SECISBP2L: variants seen among roughly 807,000 people sequenced by gnomAD.
SECISBP2L encodes SECIS binding protein 2 like.
In SECISBP2L, 43 loss-of-function variants were observed where a neutral mutation model predicts 114.7. The observed-to-expected ratio is 0.38, with a 90% CI of 0.29 to 0.48. The LOEUF is 0.48. Ranked by LOEUF, SECISBP2L falls within the 20% of genes least tolerant of loss-of-function variation. The pLI, the probability that SECISBP2L is intolerant of heterozygous loss-of-function variation, is 0.98. For missense variants in SECISBP2L, 1,136 were observed against 1,301.1 expected (o/e 0.87, Z 1.95); for synonymous variants, 451 against 439.7 (o/e 1.03, Z -0.32).
At chr15:48,996,693 A>T in intron 16 of SECISBP2L, 107 bp from the exon 17 acceptor site, 1 of 919,606 alleles carries the variant, frequency 1.1e-6, no homozygotes, top group Non-Finnish European at 1.7e-6. Context: ...GACACTTTCA[A>T]TGAGGACAAA....
intron 2 of SECISBP2L, among the ~76,000 whole-genome samples, chr15:49,036,834 G>A (rs1903018364): frequency 6.6e-6 from 1 of 152,300 alleles, no homozygotes; most frequent in East Asian, 1.9e-4. Flanking sequence ...ATAGATGGGT[G>A]GAAATATTGA....
intron 2 of SECISBP2L, among the ~76,000 whole-genome samples, chr15:49,036,793 G>C (rs1016354463): frequency 3.9e-5 from 6 of 152,174 alleles, no homozygotes; most frequent in African/African-American, 1.4e-4. Context: ...CAAAGAATGT[G>C]CACTGGCACA....
chr15:49,016,923 C>T lies in SECISBP2L; in HGVS notation c.1344G>A (p.Lys448=). Residue 448 remains lysine (K), a synonymous_variant, in exon 10 of 18, where the codon AAG becomes AAA. Transcript: ENST00000559471. ...CAAGGGCTGCTGCTAAAGCTTTCTT[C>T]TTCTGACTTTTTGCACGTTTGGGAA... ...TSVPKRAKSQ[K]KKALAAALAT... is the part of the protein sequence containing the mutation. 2 of 1,613,974 alleles carry T rather than the reference C, an allele frequency of 1.2e-6. No individual in the cohort carries two copies. The highest frequency in any genetic ancestry group is 1.7e-6 in the Non-Finnish European group (2 of 1,179,942).
chr15:49,030,829 T>C (rs1041182035), intron 4 of SECISBP2L, among the ~76,000 whole-genome samples: 1 of 152,190 alleles, frequency 6.6e-6, no homozygotes, highest in Non-Finnish European at 1.5e-5. Context: ...AACTTTTGTA[T>C]TCTGCATTGA....
rs754335711 is a variant in SECISBP2L at position 49,019,743 on chromosome 15, CAATT to C, written c.1036-195_1036-192del. On this transcript the variant is annotated intron_variant, in intron 7 of 17. Coordinates refer to ENST00000559471, the MANE Select transcript of SECISBP2L (RefSeq NM_001193489.2). The stretch of plus-strand genomic sequence containing the variant: ...TTATAAGAAAAATAGAAAAATGAGA[CAATT>C]AATCCACATTGCTTTTTTCCCCTCG... 3.5e-4 allele frequency: 145 copies of C among 416,816 alleles called. 1 individual carries two copies. The highest frequency in any genetic ancestry group is 6.5e-4 in the South Asian group (7 of 10,716). 25.8% of individuals were successfully genotyped at this position (416,816 alleles called of 1,614,324 possible). A position where few individuals can be genotyped will look rare whatever the true frequency, so the allele number is the denominator to read the frequency against.
At chr15:49,009,109 TG>T in intron 14 of SECISBP2L, 106 bp downstream of exon 14, 2 of 1,202,082 alleles carry the variant, frequency 1.7e-6, no homozygotes, top group Non-Finnish European at 2.3e-6. Context: ...TAAAGATCTC[TG>T]GTCTTTTGTC....
At chr15:49,037,069 A>G (rs945235395) in intron 2 of SECISBP2L, among the ~76,000 whole-genome samples, 14 of 152,150 alleles carry the variant, frequency 9.2e-5, no homozygotes, top group African/African-American at 3.4e-4. Flanking sequence ...CACCCTAACC[A>G]CTAGGTTACA....
intron 1 of SECISBP2L, among the ~76,000 whole-genome samples, chr15:49,040,640 A>G (rs995550668): frequency 5.2e-5 from 7 of 134,656 alleles, no homozygotes; most frequent in African/African-American, 1.9e-4. Context: ...GGTTCACGCC[A>G]TTCTCCTGCC....
Position 48,990,727 on chromosome 15 carries a change from G to C in SECISBP2L, c.*1517C>G, listed in dbSNP as rs1901956085. On this transcript the variant is annotated 3_prime_UTR_variant, in exon 18 of 18. Coordinates refer to ENST00000559471, the MANE Select transcript of SECISBP2L (RefSeq NM_001193489.2). ...CAATTCTTCTCTCCTGCCTCTGTGA[G>C]GCAAAGCCCTGCCCCAGATAATCAG... 1.3e-5 allele frequency: 2 copies of C among 152,488 alleles called. No individual in the cohort carries two copies. Among genetic ancestry groups the C allele is most frequent in the African/African-American group, 4.8e-5 (2 of 41,370 alleles). 9.4% of individuals were successfully genotyped at this position (152,488 alleles called of 1,614,324 possible).
chr15:49,015,413 T>C (rs979646309), intron 11 of SECISBP2L, among the ~76,000 whole-genome samples: 1 of 152,170 alleles, frequency 6.6e-6, no homozygotes, highest in Non-Finnish European at 1.5e-5. Flanking sequence ...TGATAGTGGA[T>C]TGGTAACTAG....
At chr15:49,014,902 T>C (rs911939374) in intron 11 of SECISBP2L, among the ~76,000 whole-genome samples, 1 of 150,436 alleles carries the variant, frequency 6.6e-6, no homozygotes, top group Admixed American at 6.7e-5. Flanking sequence ...ATATATACTG[T>C]ATATATGTAC....
At position 49,000,940 on chromosome 15, in the gene SECISBP2L, T is replaced by C. The variant is rs913830005; in HGVS notation, c.2185A>G (p.Met729Val). ...ACACACTTGATCTTGTTTAACTTCA[T>C]ATGTTTGGTAACTTCTCTTAGACCC... ...VMGLREVTKH[M>V]KLNKIKCVII... The change falls in exon 15 of 18, where the codon ATG becomes GTG. Residue 729 changes from methionine (M) to valine (V), a missense_variant. Transcript: ENST00000559471. The C allele has an allele frequency of 1.2e-6, 2 of 1,613,854 alleles. No individual in the cohort carries two copies. Among genetic ancestry groups the C allele is most frequent in the African/African-American group, 1.3e-5 (1 of 75,046 alleles).
intron 3 of SECISBP2L, among the ~76,000 whole-genome samples, chr15:49,033,461 C>T (rs1902939304): frequency 6.6e-6 from 1 of 152,040 alleles, no homozygotes; most frequent in African/African-American, 2.4e-5. Context: ...GGGTAGTAAC[C>T]TATCCCAAAG....
Position 49,041,280 on chromosome 15 carries a change from T to C in SECISBP2L, c.25-3511A>G, listed in dbSNP as rs184933932. On this transcript the variant is annotated intron_variant, in intron 1 of 17. Coordinates refer to ENST00000559471, the MANE Select transcript of SECISBP2L (RefSeq NM_001193489.2). The stretch of plus-strand genomic sequence containing the variant: ...GAAAAAAATCATAGTCCCAGAATCA[T>C]CTTTGTAAAAATATTTAAGCAGTTT... Among the ~76,000 whole-genome samples the C allele has an allele frequency of 8.5e-5, 13 of 152,364 alleles. 1 individual carries two copies. Among genetic ancestry groups the C allele is most frequent in the Admixed American group, 6.5e-4 (10 of 15,304 alleles).
chr15:49,001,520 T>C (rs1361491805), intron 14 of SECISBP2L, among the ~76,000 whole-genome samples: 1 of 151,704 alleles, frequency 6.6e-6, no homozygotes, highest in Non-Finnish European at 1.5e-5. Context: ...AACATGCAGG[T>C]TTGTTACATA....
intron 7 of SECISBP2L, among the ~76,000 whole-genome samples, chr15:49,025,287 G>C (rs1902718160): frequency 1.3e-5 from 2 of 152,118 alleles, no homozygotes; most frequent in Admixed American, 6.6e-5. Context: ...TACAGGTTGA[G>C]TTATTCCTTA....
At chr15:49,010,629 G>A (rs895693524) in intron 13 of SECISBP2L, among the ~76,000 whole-genome samples, 3 of 152,062 alleles carry the variant, frequency 2.0e-5, no homozygotes, top group African/African-American at 7.2e-5. Context: ...TCCCACTTCA[G>A]TCCCCCAAGT....
Position 48,999,816 on chromosome 15 carries a change from G to A in SECISBP2L, c.2403+17C>T. ...GATGTGCTGGAGAGCAAGAGTGTGT[G>A]TCTTCTAAATTCTTACCTCAGCACC... On this transcript the variant is annotated intron_variant, in intron 16 of 17. Coordinates refer to ENST00000559471, the MANE Select transcript of SECISBP2L (RefSeq NM_001193489.2). The A allele has an allele frequency of 6.2e-7, 1 of 1,611,336 alleles. No homozygotes were observed. The highest frequency in any genetic ancestry group is 8.5e-7 in the Non-Finnish European group (1 of 1,177,826).
chr15:49,012,725 C>G lies in SECISBP2L; in HGVS notation c.1654G>C (p.Asp552His). ...QPCLTSFNSV[D>H]IASSKAKKGK... ...TTTTTTGCTTTAGAAGAAGCAATGT[C>G]CACAGAATTAAAGGATGTCAAACAG... Residue 552 changes from aspartate to histidine, a missense_variant, in exon 12 of 18, where the codon GAC becomes CAC. By Grantham distance (81) the Asp-to-His change is moderately conservative. Coordinates refer to ENST00000559471, the MANE Select transcript of SECISBP2L (RefSeq NM_001193489.2). The G allele has an allele frequency of 6.2e-7, 1 of 1,613,202 alleles. No individual in the cohort carries two copies. Among genetic ancestry groups the G allele is most frequent in the Non-Finnish European group, 8.5e-7 (1 of 1,179,668 alleles).
Sources: gnomAD v4.1 joint callset for allele counts (sites outside exome capture counted in the v4.1 genomes callset) on GRCh38, gnomAD v4.1.1 for gene constraint, MANE v1.5 for transcripts, NCBI Gene and HGNC (gene_info 2026-07-23, HGNC 2026-07-21) for gene names.